The following GAREM1 variants were observed in gnomAD, a reference collection of about 807,000 sequenced individuals.
GAREM1 encodes GRB2-associated and regulator of MAPK protein 1.
Under a neutral mutation model 71.3 loss-of-function variants are expected in GAREM1, and 26 were observed. The ratio of observed to expected loss-of-function variants is 0.36; its 90% CI spans 0.27 to 0.51. GAREM1 has a LOEUF of 0.51. GAREM1 is among the 20% of genes least tolerant of loss of function. The probability of loss-of-function intolerance (pLI) is 0.95; values close to 1 mark genes in which losing one functional copy is unlikely to be tolerated. For missense variants in GAREM1, 1,026 were observed against 1,103.1 expected, an observed-to-expected ratio of 0.93 and a Z score of 0.99; for synonymous variants, 440 against 433.2, an observed-to-expected ratio of 1.02 and a Z score of -0.20.
At chr18:32,435,848 G>A (rs572325867) in intron 1 of GAREM1, among the ~76,000 whole-genome samples, 58 of 152,146 alleles carry the variant, frequency 3.8e-4, no homozygotes, top group African/African-American at 1.3e-3. Context: ...AGTTTTAAGT[G>A]GCTTTGGCGC....
rs201767247 is a variant in GAREM1 at position 32,363,919 on chromosome 18, TA to T, written c.262+28975del. ...TCAAGGTTATACACACACACACACA[TA>T]AAAAAATATATATACACATACAAAT... On this transcript the variant is annotated intron_variant, in intron 2 of 5. Coordinates refer to ENST00000269209, the MANE Select transcript of GAREM1 (RefSeq NM_001242409.2). Among the ~76,000 whole-genome samples, 15 of 112,934 alleles carry T rather than the reference TA, an allele frequency of 1.3e-4. No homozygotes were observed. In the East Asian group the frequency reaches 1.7e-3, roughly 13 times the overall value. The allele number at this position is 112,934 out of a possible 152,430, so 74.1% of individuals were successfully genotyped here. A position where few individuals can be genotyped will look rare whatever the true frequency, so the allele number is the denominator to read the frequency against.
At chr18:32,439,505 T>C (rs1022319829) in intron 1 of GAREM1, among the ~76,000 whole-genome samples, 2 of 152,224 alleles carry the variant, frequency 1.3e-5, no homozygotes, top group Non-Finnish European at 2.9e-5. Context: ...TTCAGTCCTA[T>C]TAAACCTCTC....
At chr18:32,314,614 A>T (rs2144526105) in intron 2 of GAREM1, among the ~76,000 whole-genome samples, 1 of 147,344 alleles carries the variant, frequency 6.8e-6, no homozygotes, top group African/African-American at 2.6e-5. Flanking sequence ...TTTGAGACGG[A>T]GTCTCGCTCT....
At chr18:32,391,467 A>G (rs2048197904) in intron 2 of GAREM1, among the ~76,000 whole-genome samples, 1 of 152,202 alleles carries the variant, frequency 6.6e-6, no homozygotes, top group Non-Finnish European at 1.5e-5. Context: ...CTTTTGCGGG[A>G]AAGACTAAAA....
chr18:32,358,632 C>T (rs1036343522), intron 2 of GAREM1, among the ~76,000 whole-genome samples: 3 of 152,136 alleles, frequency 2.0e-5, no homozygotes, highest in Non-Finnish European at 4.4e-5. Flanking sequence ...AGAATTAACC[C>T]ATAGAAGCCA....
chr18:32,372,417 G>C (rs145479049), intron 2 of GAREM1, among the ~76,000 whole-genome samples: 4 of 152,286 alleles, frequency 2.6e-5, no homozygotes, highest in Non-Finnish European at 4.4e-5. Context: ...CTAGGAAACA[G>C]ACACACCCAA....
At chr18:32,333,912 C>T (rs1348719783) in intron 2 of GAREM1, among the ~76,000 whole-genome samples, 5 of 152,208 alleles carry the variant, frequency 3.3e-5, no homozygotes, top group South Asian at 2.1e-4. Flanking sequence ...GTGTGCGGTC[C>T]GCAGAGTGAA....
chr18:32,282,743 T>C (rs72931874), intron 4 of GAREM1, among the ~76,000 whole-genome samples: 4 of 152,306 alleles, frequency 2.6e-5, no homozygotes, highest in South Asian at 2.1e-4. Context: ...TTGTAACTCA[T>C]TGCATAGACG....
intron 3 of GAREM1, among the ~76,000 whole-genome samples, chr18:32,298,654 C>T (rs530274118): frequency 1.3e-4 from 20 of 152,122 alleles, no homozygotes; most frequent in Admixed American, 2.6e-4. Flanking sequence ...CTTGTGGACG[C>T]GCACACATTC....
intron 2 of GAREM1, among the ~76,000 whole-genome samples, chr18:32,334,692 A>G (rs1165514706): frequency 6.6e-6 from 1 of 152,190 alleles, no homozygotes; most frequent in African/African-American, 2.4e-5. Context: ...GTTTCTTGTC[A>G]ATGTTAACTT....
rs188781354 is a variant in GAREM1, at chr18:32,382,033, G to T, written c.262+10862C>A. Among the ~76,000 whole-genome samples the T allele has an allele frequency of 1.8e-4, 28 of 152,320 alleles. No homozygotes were observed. In the East Asian group the frequency reaches 3.3e-3, roughly 18 times the overall value. ...CAATGTCTCAGAGCTGTACCTGCCT[G>T]ACTGGAGGGAATTAAGAGACCTGAC... On this transcript the variant is annotated intron_variant, in intron 2 of 5. Transcript: ENST00000269209.
chr18:32,391,005 G>GT (rs1352169603), intron 2 of GAREM1, among the ~76,000 whole-genome samples: 3 of 152,194 alleles, frequency 2.0e-5, no homozygotes, highest in Admixed American at 1.3e-4. Context: ...GGCTTCAGGT[G>GT]TTTTTTAGAA....
At chr18:32,277,334 A>G (rs1286496707) in intron 4 of GAREM1, among the ~76,000 whole-genome samples, 1 of 152,212 alleles carries the variant, frequency 6.6e-6, no homozygotes, top group Non-Finnish European at 1.5e-5. Context: ...CTGGAGGTCA[A>G]CTGTACACTG....
chr18:32,373,255 ACT>A (rs2048002335), intron 2 of GAREM1, among the ~76,000 whole-genome samples: 1 of 152,146 alleles, frequency 6.6e-6, no homozygotes, highest in Admixed American at 6.5e-5. Flanking sequence ...TAATGTCAAA[ACT>A]CAACTCTTTC....
intron 2 of GAREM1, among the ~76,000 whole-genome samples, chr18:32,362,496 G>A (rs2047874822): frequency 6.6e-6 from 1 of 152,082 alleles, no homozygotes; most frequent in African/African-American, 2.4e-5. Flanking sequence ...GTGTGATTTT[G>A]TTTTCTATAT....
In GAREM1 at chr18:32,267,565, C is replaced by A; in HGVS notation, c.*306G>T. ...TGGCTATTTTGTAATAAATATCATA[C>A]CTTCTCACATAAACCTACTTGGGTA... On this transcript the variant is annotated 3_prime_UTR_variant, in exon 6 of 6. Coordinates refer to ENST00000269209, the MANE Select transcript of GAREM1 (RefSeq NM_001242409.2). The A allele has an allele frequency of 2.5e-5, 5 of 200,534 alleles. No individual in the cohort carries two copies. The highest frequency in any genetic ancestry group is 1.1e-4 in the East Asian group (1 of 8,942). 12.4% of individuals were successfully genotyped at this position (200,534 alleles called of 1,614,324 possible).
At chr18:32,300,880 C>T (rs144760175) in intron 3 of GAREM1, among the ~76,000 whole-genome samples, 331 of 131,836 alleles carry the variant, frequency 2.5e-3, no homozygotes, top group African/African-American at 8.6e-3. Context: ...CACTCCAGCC[C>T]GGGCAACAAG....
intron 3 of GAREM1, among the ~76,000 whole-genome samples, chr18:32,305,505 A>T (rs1025124651): frequency 6.6e-6 from 1 of 152,018 alleles, no homozygotes; most frequent in African/African-American, 2.4e-5. Context: ...TTGGTTAGCC[A>T]GTAGGGATTC....
rs1157200391 is a variant in GAREM1 at position 32,364,028 on chromosome 18, G to GTT, written c.262+28865_262+28866dup. Among the ~76,000 whole-genome samples, 59 of 21,648 alleles carry GTT rather than the reference G, an allele frequency of 2.7e-3. 3 individuals carry two copies. Among genetic ancestry groups the GTT allele is most frequent in the African/African-American group, 4.5e-3 (25 of 5,616 alleles). The allele number at this position is 21,648 out of a possible 152,430, so 14.2% of individuals were successfully genotyped here. A position where few individuals can be genotyped will look rare whatever the true frequency, so the allele number is the denominator to read the frequency against. ...TATATATATATATATATATATATAT[G>GTT]TTTTTTTTTTTTTTTTTTTTTTGTG... On this transcript the variant is annotated intron_variant, in intron 2 of 5. Coordinates refer to ENST00000269209, the MANE Select transcript of GAREM1 (RefSeq NM_001242409.2).
Sources: gnomAD v4.1 joint callset for allele counts (sites outside exome capture counted in the v4.1 genomes callset) on GRCh38, gnomAD v4.1.1 for gene constraint, MANE v1.5 for transcripts, NCBI Gene and HGNC (gene_info 2026-07-23, HGNC 2026-07-21) for gene names.